NXPH1: variants seen among roughly 807,000 people sequenced by gnomAD.
NXPH1 encodes neurexophilin-1.
A neutral mutation model predicts 23.7 loss-of-function variants in NXPH1; 5 were observed. The observed-to-expected ratio is 0.21, with a 90% CI of 0.11 to 0.44. The LOEUF is 0.44. Among genes scored for constraint, NXPH1 ranks in the 20% least tolerant of loss-of-function variants. The probability of loss-of-function intolerance (pLI) is 0.99; values close to 1 mark genes in which losing one functional copy is unlikely to be tolerated. For synonymous variants in NXPH1, 144 were observed against 122.2 expected (o/e 1.18, Z -1.18); for missense variants, 324 against 321.6 (o/e 1.01, Z -0.06).
intron 2 of NXPH1, among the ~76,000 whole-genome samples, chr7:8,490,908 A>G (rs1290692445): frequency 2.0e-5 from 3 of 152,088 alleles, no homozygotes; most frequent in African/African-American, 7.2e-5. Flanking sequence ...AAATATTAAC[A>G]GGGTTATTTT....
chr7:8,505,855 C>T (rs1817513670), intron 2 of NXPH1, among the ~76,000 whole-genome samples: 1 of 152,036 alleles, frequency 6.6e-6, no homozygotes, highest in African/African-American at 2.4e-5. Flanking sequence ...CTTTGTTGTG[C>T]ATAAAAACCA....
intron 2 of NXPH1, among the ~76,000 whole-genome samples, chr7:8,619,437 TTA>T (rs1484769011): frequency 2.0e-5 from 3 of 152,176 alleles, no homozygotes; most frequent in African/African-American, 4.8e-5. Flanking sequence ...CTTATTTTGT[TTA>T]TGTTTGCTTA....
intron 2 of NXPH1, among the ~76,000 whole-genome samples, chr7:8,488,675 C>G (rs1056352452): frequency 6.6e-6 from 1 of 152,132 alleles, no homozygotes; most frequent in Admixed American, 6.6e-5. Flanking sequence ...ATAGGAATTT[C>G]TGACCTAGAT....
chr7:8,687,219 G>C (rs1821160320), intron 2 of NXPH1, among the ~76,000 whole-genome samples: 1 of 152,040 alleles, frequency 6.6e-6, no homozygotes, highest in Non-Finnish European at 1.5e-5. Context: ...TGGAGTATTG[G>C]GATCATTAGA....
At chr7:8,565,864 A>C (rs568616944) in intron 2 of NXPH1, among the ~76,000 whole-genome samples, 24 of 151,914 alleles carry the variant, frequency 1.6e-4, no homozygotes, top group Admixed American at 9.8e-4. Context: ...CAAATTCAAT[A>C]ACAAAGTTGT....
At chr7:8,519,518 T>TA (rs1817736527) in intron 2 of NXPH1, among the ~76,000 whole-genome samples, 1 of 152,146 alleles carries the variant, frequency 6.6e-6, no homozygotes, top group South Asian at 2.1e-4. Context: ...TCCAAGGAAA[T>TA]AAAAGGACTA....
intron 2 of NXPH1, among the ~76,000 whole-genome samples, chr7:8,454,242 A>G (rs952566515): frequency 1.3e-5 from 2 of 152,170 alleles, no homozygotes; most frequent in Non-Finnish European, 2.9e-5. Context: ...ATGAAAGTTT[A>G]AAAAAGGAAT....
intron 2 of NXPH1, among the ~76,000 whole-genome samples, chr7:8,633,182 C>T (rs149813247): frequency 9.9e-5 from 15 of 152,284 alleles, no homozygotes; most frequent in Admixed American, 3.3e-4. Context: ...CCTGTAATCC[C>T]GTCACTTTGG....
chr7:8,737,564 A>AT (rs944477239), intron 2 of NXPH1, among the ~76,000 whole-genome samples: 150 of 151,944 alleles, frequency 9.9e-4, no homozygotes, highest in African/African-American at 3.5e-3. Flanking sequence ...TGCCCTTAAC[A>AT]TTTTTTCCTT....
intron 2 of NXPH1, among the ~76,000 whole-genome samples, chr7:8,653,984 G>A (rs1820531918): frequency 6.6e-6 from 1 of 152,152 alleles, no homozygotes; most frequent in Admixed American, 6.5e-5. Flanking sequence ...TTTCATGTGT[G>A]GAAGTTCAGA....
intron 2 of NXPH1, among the ~76,000 whole-genome samples, chr7:8,499,799 C>A (rs1231473751): frequency 6.6e-6 from 1 of 152,026 alleles, no homozygotes; most frequent in African/African-American, 2.4e-5. Flanking sequence ...GAGCATTGGC[C>A]TCTGCAGCTG....
In NXPH1 at chr7:8,435,795, G is replaced by T; in HGVS notation, c.54+28G>T. On this transcript the variant is annotated intron_variant, in intron 2 of 2. Transcript: ENST00000405863. The surrounding 1 kb of genome is among the most constrained non-coding windows in gnomAD (Gnocchi z 5.9). The stretch of plus-strand genomic sequence containing the variant: ...AAGTCTTGGAAGGTTCGGGGCTTTC[G>T]CATTTTTACCCCGGCCGGGAGGCAA... The T allele has an allele frequency of 6.2e-7, 1 of 1,611,598 alleles. No individual in the cohort carries two copies.
chr7:8,591,166 T>C (rs1464573830), intron 2 of NXPH1, among the ~76,000 whole-genome samples: 3 of 152,060 alleles, frequency 2.0e-5, no homozygotes, highest in Non-Finnish European at 4.4e-5. Flanking sequence ...TTATTGAGTG[T>C]TTACAGTGGG....
intron 2 of NXPH1, among the ~76,000 whole-genome samples, chr7:8,459,578 T>G (rs1020583362): frequency 6.6e-6 from 1 of 152,154 alleles, no homozygotes; most frequent in African/African-American, 2.4e-5. Context: ...TCTAGAAACA[T>G]TAATGCAAAT....
intron 2 of NXPH1, among the ~76,000 whole-genome samples, chr7:8,726,316 T>C (rs1003361910): frequency 6.6e-6 from 1 of 151,850 alleles, no homozygotes; most frequent in African/African-American, 2.4e-5. Context: ...ATAATTTTCA[T>C]TTTTTTGTTT....
chr7:8,570,158 T>A (rs1006224044), intron 2 of NXPH1, among the ~76,000 whole-genome samples: 1 of 151,922 alleles, frequency 6.6e-6, no homozygotes, highest in African/African-American at 2.4e-5. Context: ...CATGAATGGT[T>A]CTTAATTTAT....
chr7:8,537,072 T>A (rs1036053785), intron 2 of NXPH1, among the ~76,000 whole-genome samples: 1 of 151,992 alleles, frequency 6.6e-6, no homozygotes, highest in Non-Finnish European at 1.5e-5. Flanking sequence ...TTTTTAAACC[T>A]TTTCTCTCTG....
intron 2 of NXPH1, among the ~76,000 whole-genome samples, chr7:8,446,810 C>G (rs1368718358): frequency 6.6e-6 from 1 of 151,622 alleles, no homozygotes; most frequent in African/African-American, 2.4e-5. Flanking sequence ...TTCTTACCTT[C>G]CTGGACTGAG....
intron 2 of NXPH1, among the ~76,000 whole-genome samples, chr7:8,528,559 G>T (rs1456306766): frequency 2.0e-5 from 3 of 152,196 alleles, no homozygotes; most frequent in African/African-American, 7.2e-5. Context: ...TTATCTGAAA[G>T]GATGCCTTAT....
Sources: gnomAD v4.1 joint callset for allele counts (sites outside exome capture counted in the v4.1 genomes callset) on GRCh38, gnomAD v4.1.1 for gene constraint, Gnocchi (gnomAD v3.1) non-coding constraint, MANE v1.5 for transcripts, NCBI Gene and HGNC (gene_info 2026-07-23, HGNC 2026-07-21) for gene names.